Variants in DDX50 observed in about 807,000 individuals in gnomAD.
The protein encoded by DDX50 is DExD-box helicase 50.
Under a neutral mutation model 94.8 loss-of-function variants are expected in DDX50, and 56 were observed. The ratio of observed to expected loss-of-function variants is 0.59; its 90% confidence interval spans 0.48 to 0.74. DDX50 has a LOEUF of 0.74. Among genes scored for constraint, DDX50 ranks in the 30% least tolerant of loss-of-function variants. DDX50 has a pLI of 0.00. For synonymous variants in DDX50, 264 were observed against 295.4 expected (o/e 0.89, Z 1.09); for missense variants, 713 against 881.2 (o/e 0.81, Z 2.42).
At chr10:68,918,978 G>T (rs1164355782) in intron 7 of DDX50, among the ~76,000 whole-genome samples, 1 of 152,086 alleles carries the variant, frequency 6.6e-6, no homozygotes. Flanking sequence ...GTTTAGATAT[G>T]TTTAGAGACG....
intron 13 of DDX50, 93 bp from the exon 14 acceptor site, chr10:68,943,120 T>C (rs1377248995): frequency 1.8e-6 from 2 of 1,096,436 alleles, no homozygotes; most frequent in African/African-American, 3.2e-5. Context: ...GAAAATACAT[T>C]AAGCAGCCAC....
Position 68,913,238 on chromosome 10 carries a change from G to C in DDX50, c.716G>C (p.Ser239Thr), listed in dbSNP as rs752621426. 1 of 1,613,452 alleles carries C rather than the reference G, an allele frequency of 6.2e-7. No homozygotes were observed. Among genetic ancestry groups the C allele is most frequent in the Non-Finnish European group, 8.5e-7 (1 of 1,179,888 alleles). ...KDFKDITRKL[S>T]VACFYGGTSY... ...TTCAAAGATATAACTAGGAAACTCAGCGTGGCGTGTTTTTATGGTGGAACA... is the reference window on the plus strand; with the variant it reads ...TTCAAAGATATAACTAGGAAACTCACCGTGGCGTGTTTTTATGGTGGAACA... Residue 239 changes from serine (S) to threonine (T), a missense_variant, in exon 5 of 15, where the codon AGC becomes ACC. By Grantham distance (58) the Ser-to-Thr change is moderately conservative. Coordinates refer to ENST00000373585, the MANE Select transcript of DDX50 (RefSeq NM_024045.2).
chr10:68,906,618 G>A, intron 1 of DDX50, 93 bp from the exon 2 acceptor site: 2 of 1,387,010 alleles, frequency 1.4e-6, no homozygotes, highest in Non-Finnish European at 2.0e-6. Context: ...TGTAGATTGA[G>A]CTGAACTGGT....
In DDX50 at chr10:68,946,743, G is replaced by A. The variant is rs1376917339; in HGVS notation, c.*113G>A. The A allele has an allele frequency of 1.1e-5, 15 of 1,337,664 alleles. No individual in the cohort carries two copies. The highest frequency in any genetic ancestry group is 1.5e-5 in the Non-Finnish European group (15 of 987,752). The allele number at this position is 1,337,664 out of a possible 1,614,324, so 82.9% of individuals were successfully genotyped here. Reference sequence around the variant, plus strand: ...GAGGTATGTGTCTGCTATTTGCAAAGAAGTTGGTCGTATTTTTTTAAAAAG... The same window carrying A: ...GAGGTATGTGTCTGCTATTTGCAAAAAAGTTGGTCGTATTTTTTTAAAAAG... On this transcript the variant is annotated 3_prime_UTR_variant, in exon 15 of 15. Coordinates refer to ENST00000373585, the MANE Select transcript of DDX50 (RefSeq NM_024045.2).
At chr10:68,933,069 TTG>T (rs1337885830) in intron 8 of DDX50, among the ~76,000 whole-genome samples, 9 of 130,600 alleles carry the variant, frequency 6.9e-5, no homozygotes, top group South Asian at 2.3e-4. Context: ...GTTTGTTTGT[TTG>T]TTTTTTTTTT....
chr10:68,908,876 G>A (rs1022223084), intron 2 of DDX50, among the ~76,000 whole-genome samples: 3 of 152,030 alleles, frequency 2.0e-5, no homozygotes, highest in Non-Finnish European at 4.4e-5. Context: ...GAACTCCTGG[G>A]CTCAAGTAAT....
intron 11 of DDX50, 85 bp downstream of exon 11, chr10:68,936,164 AT>A: frequency 9.3e-7 from 1 of 1,069,700 alleles, no homozygotes; most frequent in Non-Finnish European, 1.4e-6. Context: ...ATAGCAGAAA[AT>A]TTTACCACCA....
Position 68,934,770 on chromosome 10 carries a change from TA to T in DDX50, c.1402-23del, listed in dbSNP as rs1368993553. ...GAATGACTGCAACTTGCTAGATTTT[TA>T]AAAAATATTACCTTTTATAATCTTT... is the stretch of plus-strand genomic sequence containing the variant. On this transcript the variant is annotated intron_variant, in intron 9 of 14. Coordinates refer to ENST00000373585, the MANE Select transcript of DDX50 (RefSeq NM_024045.2). This position sits in a 1 kb window ranked among gnomAD's most constrained non-coding sequence, Gnocchi z 4.0. 4 of 1,565,432 alleles carry T rather than the reference TA, an allele frequency of 2.6e-6. No homozygotes were observed. In the Admixed American group the frequency reaches 6.2e-5, roughly 24 times the overall value.
intron 13 of DDX50, among the ~76,000 whole-genome samples, chr10:68,942,082 C>T (rs12245962): frequency 0.035 from 5,311 of 152,284 alleles, 316 homozygotes; most frequent in African/African-American, 0.12. Context: ...GCCACTGCAC[C>T]TGGCATGTGT....
At chr10:68,919,459 T>C (rs141281707) in intron 7 of DDX50, among the ~76,000 whole-genome samples, 3 of 152,328 alleles carry the variant, frequency 2.0e-5, no homozygotes, top group Non-Finnish European at 2.9e-5. Context: ...CACTGTTTGA[T>C]TTTTCTTCCA....
intron 2 of DDX50, among the ~76,000 whole-genome samples, chr10:68,908,114 C>T (rs1841510490): frequency 6.6e-6 from 1 of 152,064 alleles, no homozygotes; most frequent in African/African-American, 2.4e-5. Context: ...ACAGCTATCC[C>T]AAAGGGTGTA....
At chr10:68,929,103 C>T (rs545002768) in intron 8 of DDX50, among the ~76,000 whole-genome samples, 31 of 152,118 alleles carry the variant, frequency 2.0e-4, no homozygotes, top group Non-Finnish European at 2.2e-4. Context: ...TGTGCCACCA[C>T]GCCTCGCTAA....
intron 7 of DDX50, among the ~76,000 whole-genome samples, chr10:68,916,829 C>T (rs1224248857): frequency 1.3e-5 from 2 of 152,106 alleles, no homozygotes; most frequent in African/African-American, 2.4e-5. Flanking sequence ...GGATTACAGG[C>T]GCCCACCACC....
At position 68,906,920 on chromosome 10, in the gene DDX50, A is replaced by C; in HGVS notation, c.297A>C (p.Gly99=). The stretch of plus-strand genomic sequence containing the variant: ...CAAGAAGAAAAGATCTACCAAATGG[A>C]GATATAGATGAATATGAAAAAAAAT... ...HKSRRKDLPN[G]DIDEYEKKSK... Residue 99 remains glycine, a synonymous_variant, in exon 2 of 15, where the codon GGA becomes GGC. Coordinates refer to ENST00000373585, the MANE Select transcript of DDX50 (RefSeq NM_024045.2). 1 of 1,606,462 alleles carries C rather than the reference A, an allele frequency of 6.2e-7. No individual in the cohort carries two copies. Among genetic ancestry groups the C allele is most frequent in the East Asian group, 2.2e-5 (1 of 44,802 alleles).
chr10:68,930,453 CA>C (rs1208439870), intron 8 of DDX50, among the ~76,000 whole-genome samples: 2 of 152,170 alleles, frequency 1.3e-5, no homozygotes, highest in African/African-American at 4.8e-5. Flanking sequence ...AGAAGCTAAA[CA>C]TCTGAGAATC....
intron 8 of DDX50, among the ~76,000 whole-genome samples, chr10:68,926,834 G>A (rs1215922170): frequency 2.0e-5 from 3 of 151,128 alleles, no homozygotes; most frequent in Non-Finnish European, 4.4e-5. Flanking sequence ...TTATTCAAAA[G>A]TTGGAGACCT....
chr10:68,944,966 A>C (rs1341094626), intron 14 of DDX50, among the ~76,000 whole-genome samples: 2 of 152,128 alleles, frequency 1.3e-5, no homozygotes, highest in Non-Finnish European at 2.9e-5. Context: ...CATTGCACCC[A>C]GCCACAGTTA....
intron 1 of DDX50, among the ~76,000 whole-genome samples, chr10:68,903,392 G>A (rs1320959771): frequency 6.6e-6 from 1 of 151,692 alleles, no homozygotes; most frequent in Non-Finnish European, 1.5e-5. Flanking sequence ...ATTGGGCCGG[G>A]CATGGTGACT....
At chr10:68,943,077 T>C in intron 13 of DDX50, 136 bp from the exon 14 acceptor site, 3 of 727,840 alleles carry the variant, frequency 4.1e-6, no homozygotes, top group Non-Finnish European at 6.8e-6. Context: ...TAAATTCTTA[T>C]TGGATACTGT....
Sources: allele counts gnomAD v4.1 joint callset (sites outside exome capture counted in the v4.1 genomes callset), GRCh38; gene constraint gnomAD v4.1.1; non-coding constraint Gnocchi (gnomAD v3.1); transcripts MANE v1.5; gene names NCBI Gene and HGNC (gene_info 2026-07-23, HGNC 2026-07-21).